SYT1: variants seen among roughly 807,000 people sequenced by gnomAD.
SYT1 encodes synaptotagmin-1.
Under a neutral mutation model 44.8 loss-of-function variants are expected in SYT1, and 8 were observed. The observed-to-expected ratio is 0.18, with a 90% confidence interval of 0.10 to 0.32. The LOEUF (loss-of-function observed/expected upper bound fraction) is 0.32, where lower values mean the gene tolerates loss of function less well. Among genes scored for constraint, SYT1 ranks in the 10% least tolerant of loss-of-function variants. The pLI is 1.00. For synonymous variants in SYT1, 154 were observed against 188.8 expected (o/e 0.82, Z 1.51); for missense variants, 286 against 509.3 (o/e 0.56, Z 4.22).
chr12:78,879,872 T>A (rs1421014257), intron 1 of SYT1, among the ~76,000 whole-genome samples: 2 of 151,790 alleles, frequency 1.3e-5, no homozygotes, highest in African/African-American at 4.8e-5. Flanking sequence ...CCAGATTTTT[T>A]TCTGCCTCAG....
chr12:78,995,911 T>C (rs1045331767), intron 2 of SYT1: 1 of 152,212 alleles, frequency 6.6e-6, no homozygotes, highest in Non-Finnish European at 1.5e-5. Context: ...TCAGTCTTAA[T>C]TTACACGGAA....
intron 3 of SYT1, among the ~76,000 whole-genome samples, chr12:79,051,910 C>T (rs1592703160): frequency 6.6e-6 from 1 of 152,026 alleles, no homozygotes; most frequent in African/African-American, 2.4e-5. Flanking sequence ...TACCAGTACC[C>T]TGCTGTTTCA....
intron 1 of SYT1, among the ~76,000 whole-genome samples, chr12:78,965,851 G>C (rs1879741152): frequency 6.6e-6 from 1 of 152,006 alleles, no homozygotes; most frequent in Non-Finnish European, 1.5e-5. Context: ...GGCTGAGGTG[G>C]GTGGATCACG....
chr12:79,028,756 A>G (rs12296150), intron 2 of SYT1, among the ~76,000 whole-genome samples: 30,224 of 151,260 alleles, frequency 0.2, 3,524 homozygotes, highest in African/African-American at 0.33. Flanking sequence ...ATTATATTCA[A>G]TAAACAATGA....
chr12:79,082,236 G>A (rs750013074), intron 3 of SYT1, among the ~76,000 whole-genome samples: 2 of 152,072 alleles, frequency 1.3e-5, no homozygotes, highest in Non-Finnish European at 2.9e-5. Flanking sequence ...AAAAATGTTT[G>A]TGGGTTGGTG....
chr12:78,909,634 G>T (rs10444530), intron 1 of SYT1, among the ~76,000 whole-genome samples: 116,419 of 151,864 alleles, frequency 0.77, 45,176 homozygotes, highest in African/African-American at 0.87. Context: ...CAGAGACATA[G>T]ATATAGATAA....
intron 2 of SYT1, among the ~76,000 whole-genome samples, chr12:79,006,825 A>T (rs1013001917): frequency 4.6e-5 from 7 of 152,156 alleles, no homozygotes; most frequent in Non-Finnish European, 8.8e-5. Context: ...GGCAAAATGC[A>T]TTATGATCAC....
At position 79,096,270 on chromosome 12, in the gene SYT1, A is replaced by T. The variant is rs111396283; in HGVS notation, c.-18+48908A>T. On this transcript the variant is annotated intron_variant, in intron 3 of 10. Transcript: ENST00000261205. Reference sequence around the variant, plus strand: ...CCTGCAACTTTTGTTTGCTTTATTAATATAGATAGATGTAAATTTCTTTTA... The same window carrying T: ...CCTGCAACTTTTGTTTGCTTTATTATTATAGATAGATGTAAATTTCTTTTA... Among the ~76,000 whole-genome samples, 778 of 152,072 alleles carry T rather than the reference A, an allele frequency of 5.1e-3. 2 individuals carry two copies. The highest frequency in any genetic ancestry group is 7.8e-3 in the Non-Finnish European group (529 of 67,942).
chr12:79,051,119 A>T (rs1450020874), intron 3 of SYT1, among the ~76,000 whole-genome samples: 1 of 151,874 alleles, frequency 6.6e-6, no homozygotes, highest in African/African-American at 2.4e-5. Context: ...TGCTGTTATT[A>T]AAAAATGCAT....
intron 1 of SYT1, among the ~76,000 whole-genome samples, chr12:78,922,284 A>G (rs533532728): frequency 6.6e-6 from 1 of 151,946 alleles, no homozygotes; most frequent in Non-Finnish European, 1.5e-5. Flanking sequence ...CTCAATAAAT[A>G]TACAATGAAT....
chr12:78,873,839 T>C (rs1230047448), intron 1 of SYT1, among the ~76,000 whole-genome samples: 3 of 151,676 alleles, frequency 2.0e-5, no homozygotes, highest in Admixed American at 1.3e-4. Flanking sequence ...AATTCAAATA[T>C]GAAGTCTATC....
At chr12:79,427,800 G>C (rs1232986657) in intron 9 of SYT1, among the ~76,000 whole-genome samples, 3 of 152,150 alleles carry the variant, frequency 2.0e-5, no homozygotes, top group African/African-American at 7.2e-5. Flanking sequence ...GGCAGCAAGT[G>C]GGAGCGTCCT....
In SYT1 at chr12:79,257,528, C is replaced by G. The variant is rs181898870; in HGVS notation, c.167-28259C>G. 2.6e-5 allele frequency among the ~76,000 whole-genome samples: 4 copies of G among 152,214 alleles called. No individual in the cohort carries two copies. In the South Asian group the frequency reaches 8.3e-4, roughly 32 times the overall value. ...CGGAGTCTCGCTCTGTCGCCCAGGCCGGACTGCGGACTGCAGTGGCGCAAT... is the reference window on the plus strand; with the variant it reads ...CGGAGTCTCGCTCTGTCGCCCAGGCGGGACTGCGGACTGCAGTGGCGCAAT... On this transcript the variant is annotated intron_variant, in intron 4 of 10. Coordinates refer to ENST00000261205, the MANE Select transcript of SYT1 (RefSeq NM_005639.3).
At chr12:79,037,619 G>GA (rs1028147898) in intron 2 of SYT1, among the ~76,000 whole-genome samples, 4 of 151,716 alleles carry the variant, frequency 2.6e-5, no homozygotes, top group East Asian at 1.9e-4. Context: ...CAACAAAAGA[G>GA]AAAAAATAGG....
At chr12:79,153,154 T>C (rs934783050) in intron 3 of SYT1, among the ~76,000 whole-genome samples, 2 of 152,130 alleles carry the variant, frequency 1.3e-5, no homozygotes. Context: ...GAAACGGGGC[T>C]GAGTTCTAGC....
chr12:79,165,644 C>T (rs1265051110), intron 3 of SYT1, among the ~76,000 whole-genome samples: 7 of 151,942 alleles, frequency 4.6e-5, no homozygotes, highest in Admixed American at 4.6e-4. Flanking sequence ...TATCATCAAG[C>T]ACTTGCTATT....
chr12:79,236,139 C>T (rs940682319), intron 4 of SYT1, among the ~76,000 whole-genome samples: 1 of 152,236 alleles, frequency 6.6e-6, no homozygotes, highest in African/African-American at 2.4e-5. Context: ...GAGGTGTTCC[C>T]ACAACGATTT....
chr12:79,101,610 G>T (rs1417683668), intron 3 of SYT1, among the ~76,000 whole-genome samples: 1 of 152,168 alleles, frequency 6.6e-6, no homozygotes, highest in Non-Finnish European at 1.5e-5. Flanking sequence ...AGTCAAGTTT[G>T]TGTTATATAT....
At chr12:78,985,048 G>A (rs950207925) in intron 2 of SYT1, among the ~76,000 whole-genome samples, 9 of 151,830 alleles carry the variant, frequency 5.9e-5, no homozygotes, top group Admixed American at 5.9e-4. Context: ...ATTGTATACC[G>A]AGAACCAAAA....
Sources: gnomAD v4.1 joint callset for allele counts (sites outside exome capture counted in the v4.1 genomes callset) on GRCh38, gnomAD v4.1.1 for gene constraint, MANE v1.5 for transcripts, NCBI Gene and HGNC (gene_info 2026-07-23, HGNC 2026-07-21) for gene names.